STRBP: variants seen among roughly 807,000 people sequenced by gnomAD.
STRBP encodes spermatid perinuclear RNA binding protein.
In STRBP, 13 loss-of-function variants were observed where a neutral mutation model predicts 80.1. The observed-to-expected ratio is 0.16, with a 90% CI of 0.11 to 0.26. The LOEUF (loss-of-function observed/expected upper bound fraction) is 0.26, where lower values mean the gene tolerates loss of function less well. Ranked by LOEUF, STRBP falls within the 10% of genes least tolerant of loss-of-function variation. STRBP has a pLI of 1.00. For missense variants in STRBP, 485 were observed against 815.2 expected (o/e 0.59, Z 4.93); for synonymous variants, 284 against 291.2 (o/e 0.98, Z 0.25).
chr9:123,225,543 T>C (rs2040208616), intron 2 of STRBP, among the ~76,000 whole-genome samples: 1 of 152,170 alleles, frequency 6.6e-6, no homozygotes, highest in Non-Finnish European at 1.5e-5. Flanking sequence ...CAGATGGTGA[T>C]TCAAAAGCAA....
intron 3 of STRBP, among the ~76,000 whole-genome samples, chr9:123,180,064 G>A (rs545554684): frequency 3.5e-4 from 54 of 152,220 alleles, no homozygotes; most frequent in African/African-American, 1.1e-3. Context: ...AGACCAGCCT[G>A]GGTAATGTAG....
intron 7 of STRBP, 85 bp from the exon 8 acceptor site, chr9:123,160,547 G>T: frequency 1.0e-6 from 1 of 967,546 alleles, no homozygotes; most frequent in Non-Finnish European, 1.4e-6. Flanking sequence ...ATACTAAGTA[G>T]CAAATTATTC....
At chr9:123,156,591 C>G (rs1481461973) in intron 11 of STRBP, among the ~76,000 whole-genome samples, 1 of 151,006 alleles carries the variant, frequency 6.6e-6, no homozygotes, top group Admixed American at 6.6e-5. Context: ...TAAAACATTC[C>G]ATTAGCCATC....
intron 1 of STRBP, among the ~76,000 whole-genome samples, chr9:123,258,157 A>G (rs1239053014): frequency 1.3e-5 from 2 of 152,326 alleles, no homozygotes; most frequent in African/African-American, 4.8e-5. Flanking sequence ...TTCCTACTAA[A>G]TGCCAGGCAC....
intron 17 of STRBP, 136 bp downstream of exon 17, chr9:123,132,709 C>T: frequency 1.6e-6 from 2 of 1,271,562 alleles, no homozygotes; most frequent in Non-Finnish European, 2.1e-6. Context: ...CAATTCTCTA[C>T]TTTTAAATTT....
chr9:123,239,104 G>C (rs1036547563), intron 1 of STRBP, among the ~76,000 whole-genome samples: 1 of 152,144 alleles, frequency 6.6e-6, no homozygotes. Flanking sequence ...GGCTGGGCGC[G>C]GTAGCTCACG....
At chr9:123,229,418 G>C (rs1221566704) in intron 2 of STRBP, among the ~76,000 whole-genome samples, 2 of 152,224 alleles carry the variant, frequency 1.3e-5, no homozygotes, top group African/African-American at 2.4e-5. Context: ...ACTACTTCTA[G>C]ATGTTTCACT....
At chr9:123,235,890 T>G (rs2040548060) in intron 2 of STRBP, among the ~76,000 whole-genome samples, 1 of 152,192 alleles carries the variant, frequency 6.6e-6, no homozygotes, top group African/African-American at 2.4e-5. Context: ...GTTTGCTACC[T>G]GTTCTATTAA....
chr9:123,146,359 T>A (rs1041295954), intron 13 of STRBP, among the ~76,000 whole-genome samples: 6 of 151,854 alleles, frequency 4.0e-5, no homozygotes, highest in African/African-American at 1.2e-4. Flanking sequence ...CAATCTGGAA[T>A]AAGCAAAATA....
chr9:123,215,375 T>C (rs745917023), intron 2 of STRBP, among the ~76,000 whole-genome samples: 8 of 152,200 alleles, frequency 5.3e-5, no homozygotes, highest in Non-Finnish European at 1.5e-5. Flanking sequence ...ATTACTTACA[T>C]AGCTCACCCA....
At chr9:123,132,997 AAAGAAAT>A in intron 16 of STRBP, 29 bp from the exon 17 acceptor site, 1 of 1,606,368 alleles carries the variant, frequency 6.2e-7, no homozygotes, top group Non-Finnish European at 8.5e-7. Flanking sequence ...TTCATTACTG[AAAGAAAT>A]AAGAACCATT....
intron 9 of STRBP, 72 bp from the exon 10 acceptor site, chr9:123,158,501 G>A (rs993851011): frequency 1.5e-6 from 2 of 1,293,958 alleles, no homozygotes; most frequent in Non-Finnish European, 2.2e-6. Context: ...ACAAAAGAGA[G>A]ATGGCTGGGG....
At chr9:123,247,819 AG>A (rs1453799047) in intron 1 of STRBP, among the ~76,000 whole-genome samples, 1 of 152,244 alleles carries the variant, frequency 6.6e-6, no homozygotes, top group Non-Finnish European at 1.5e-5. Flanking sequence ...TGGAGAATTT[AG>A]ATGTCGTATG....
At chr9:123,239,279 G>T (rs74451058) in intron 1 of STRBP, among the ~76,000 whole-genome samples, 16 of 152,158 alleles carry the variant, frequency 1.1e-4, no homozygotes, top group African/African-American at 3.9e-4. Context: ...GGAGGCTGAG[G>T]CGGGAGAATG....
At chr9:123,116,215 C>T in intron 2 of STRBP, 6 of 410,154 alleles carry the variant, frequency 1.5e-5, no homozygotes, top group Non-Finnish European at 2.9e-5. Context: ...TGACGGTGAT[C>T]CCATGGGTTA....
chr9:123,166,205 TGTTTAAGA>T (rs2037751208), intron 6 of STRBP, among the ~76,000 whole-genome samples: 1 of 152,204 alleles, frequency 6.6e-6, no homozygotes, highest in Admixed American at 6.5e-5. Context: ...CATCACTGGG[TGTTTAAGA>T]GTTTAACTGT....
chr9:123,160,342 C>A, intron 8 of STRBP, 25 bp downstream of exon 8: 1 of 1,497,250 alleles, frequency 6.7e-7, no homozygotes, highest in Non-Finnish European at 9.0e-7. Context: ...TCCAAATTTG[C>A]TTTTAGCCAT....
intron 11 of STRBP, among the ~76,000 whole-genome samples, chr9:123,151,978 G>A (rs1185141891): frequency 6.6e-6 from 1 of 152,034 alleles, no homozygotes; most frequent in African/African-American, 2.4e-5. Flanking sequence ...ATGTATAAAA[G>A]AGGACATTAC....
At chr9:123,229,411 A>G (rs919766796) in intron 2 of STRBP, among the ~76,000 whole-genome samples, 1 of 152,252 alleles carries the variant, frequency 6.6e-6, no homozygotes, top group African/African-American at 2.4e-5. Context: ...AATAGAGACT[A>G]CTTCTAGATG....
Sources: allele counts gnomAD v4.1 joint callset (sites outside exome capture counted in the v4.1 genomes callset), GRCh38; gene constraint gnomAD v4.1.1; transcripts MANE v1.5; gene names NCBI Gene and HGNC (gene_info 2026-07-23, HGNC 2026-07-21).